GRID2: variants seen among roughly 807,000 people sequenced by gnomAD.
GRID2 encodes the protein glutamate ionotropic receptor delta type subunit 2.
In GRID2, 33 loss-of-function variants were observed where a neutral mutation model predicts 114.8. The ratio of observed to expected loss-of-function variants is 0.29; its 90% CI spans 0.22 to 0.38. GRID2 has a LOEUF of 0.38. Ranked by LOEUF, GRID2 falls within the 10% of genes least tolerant of loss-of-function variation. GRID2 has a pLI of 1.00. For missense variants in GRID2, 1,184 were observed against 1,257.7 expected (o/e 0.94, Z 0.89); for synonymous variants, 505 against 449.9 (o/e 1.12, Z -1.55).
chr4:92,646,856 C>A (rs1487373097), intron 2 of GRID2, among the ~76,000 whole-genome samples: 3 of 151,442 alleles, frequency 2.0e-5, no homozygotes, highest in Middle Eastern at 3.5e-3. Context: ...TGTTAATAAT[C>A]AACAAACTTA....
At chr4:92,396,408 A>G (rs774772209) in intron 1 of GRID2, among the ~76,000 whole-genome samples, 13 of 151,934 alleles carry the variant, frequency 8.6e-5, no homozygotes, top group Admixed American at 3.9e-4. Context: ...TTTTGTAAGT[A>G]CCTCTGATAT....
intron 4 of GRID2, among the ~76,000 whole-genome samples, chr4:93,205,585 CT>C (rs1165034174): frequency 6.6e-6 from 1 of 152,072 alleles, no homozygotes; most frequent in Non-Finnish European, 1.5e-5. Flanking sequence ...GGTTCCAAGT[CT>C]TTGCTATTGT....
At chr4:92,893,528 G>A (rs950422145) in intron 2 of GRID2, among the ~76,000 whole-genome samples, 1 of 152,118 alleles carries the variant, frequency 6.6e-6, no homozygotes, top group African/African-American at 2.4e-5. Flanking sequence ...CAAGATGAAA[G>A]GGTTAGAATA....
Position 92,358,599 on chromosome 4 carries a change from T to A in GRID2, c.88+53855T>A, listed in dbSNP as rs1201622659. On this transcript the variant is annotated intron_variant, in intron 1 of 15. Transcript: ENST00000282020. Reference sequence around the variant, plus strand: ...TACTTCATTAATACTATAACCTAAATAAAATTATAATATGGTTATTGTGAA... The same window carrying A: ...TACTTCATTAATACTATAACCTAAAAAAAATTATAATATGGTTATTGTGAA... 2.0e-5 allele frequency among the ~76,000 whole-genome samples: 3 copies of A among 152,040 alleles called. No homozygotes were observed. The East Asian group carries it at 5.8e-4, about 30-fold the overall frequency.
chr4:93,185,193 G>A (rs1263357775), intron 4 of GRID2, among the ~76,000 whole-genome samples: 3 of 152,092 alleles, frequency 2.0e-5, no homozygotes. Flanking sequence ...CCAGGTACAG[G>A]TAGGAGAATT....
chr4:92,912,328 A>T (rs1748449831), intron 2 of GRID2, among the ~76,000 whole-genome samples: 1 of 151,834 alleles, frequency 6.6e-6, no homozygotes, highest in Non-Finnish European at 1.5e-5. Context: ...CTGAAAGTGA[A>T]AAATAGATCT....
intron 2 of GRID2, among the ~76,000 whole-genome samples, chr4:93,012,463 G>C (rs1371679270): frequency 6.6e-6 from 1 of 151,990 alleles, no homozygotes; most frequent in Non-Finnish European, 1.5e-5. Flanking sequence ...AACAGAATTA[G>C]TCTACTGAGG....
chr4:93,331,075 TGGC>T (rs1758373475), intron 8 of GRID2, among the ~76,000 whole-genome samples: 1 of 151,876 alleles, frequency 6.6e-6, no homozygotes, highest in African/African-American at 2.4e-5. Flanking sequence ...CTCATTTCAT[TGGC>T]AACAAAAACA....
intron 1 of GRID2, among the ~76,000 whole-genome samples, chr4:92,550,906 C>G (rs576800619): frequency 1.1e-4 from 16 of 152,236 alleles, no homozygotes; most frequent in African/African-American, 3.1e-4. Context: ...ATTGCAAAGA[C>G]TAGTCTCAAA....
intron 4 of GRID2, among the ~76,000 whole-genome samples, chr4:93,173,216 C>A (rs1579190937): frequency 6.6e-6 from 1 of 151,712 alleles, no homozygotes; most frequent in African/African-American, 2.4e-5. Flanking sequence ...TTTTTTTGAC[C>A]AAATTCCAGT....
At chr4:92,863,604 A>C (rs1376414626) in intron 2 of GRID2, among the ~76,000 whole-genome samples, 1 of 152,264 alleles carries the variant, frequency 6.6e-6, no homozygotes. Flanking sequence ...ATATTTGTGA[A>C]GCTTTCTCTA....
At chr4:93,034,381 C>G (rs1724721497) in intron 2 of GRID2, among the ~76,000 whole-genome samples, 1 of 152,096 alleles carries the variant, frequency 6.6e-6, no homozygotes, top group African/African-American at 2.4e-5. Flanking sequence ...TAAAACTAGG[C>G]TTTGGAACTG....
At position 93,774,265 on chromosome 4, in the gene GRID2, C is replaced by T. The variant is rs1020137528; in HGVS notation, c.*1767C>T. 12 of 151,982 alleles carry T rather than the reference C, an allele frequency of 7.9e-5. No homozygotes were observed. The highest frequency in any genetic ancestry group is 7.2e-4 in the Admixed American group (11 of 15,250). 9.4% of individuals were successfully genotyped at this position (151,982 alleles called of 1,614,324 possible). ...ATTTTGTTTCCAGGGTAACAAGTAACTAAGTGCATGCACAACTTGTTTTCC... is the reference window on the plus strand; with the variant it reads ...ATTTTGTTTCCAGGGTAACAAGTAATTAAGTGCATGCACAACTTGTTTTCC... On this transcript the variant is annotated 3_prime_UTR_variant, in exon 16 of 16. Transcript: ENST00000282020.
At chr4:92,376,745 T>A (rs1470017515) in intron 1 of GRID2, among the ~76,000 whole-genome samples, 1 of 152,128 alleles carries the variant, frequency 6.6e-6, no homozygotes, top group African/African-American at 2.4e-5. Flanking sequence ...AAATCTTGAC[T>A]TTTGTGCGCT....
intron 9 of GRID2, among the ~76,000 whole-genome samples, chr4:93,397,210 G>A (rs1005041398): frequency 6.6e-6 from 1 of 151,694 alleles, no homozygotes; most frequent in Non-Finnish European, 1.5e-5. Flanking sequence ...TTTTTTTGTG[G>A]CCCATAAATT....
At chr4:92,715,635 G>A (rs1735506187) in intron 2 of GRID2, among the ~76,000 whole-genome samples, 1 of 152,172 alleles carries the variant, frequency 6.6e-6, no homozygotes, top group African/African-American at 2.4e-5. Flanking sequence ...ATCTCACGTG[G>A]TGGCAGACGA....
chr4:93,391,485 G>A (rs760600771), intron 8 of GRID2, among the ~76,000 whole-genome samples: 4 of 152,078 alleles, frequency 2.6e-5, no homozygotes, highest in South Asian at 2.1e-4. Flanking sequence ...TTTTGTGTCC[G>A]GCAGCTGGAG....
intron 1 of GRID2, among the ~76,000 whole-genome samples, chr4:92,479,528 A>C (rs768258075): frequency 2.0e-5 from 3 of 152,270 alleles, no homozygotes; most frequent in Admixed American, 6.5e-5. Context: ...GCACTTACAT[A>C]TTATTAGATT....
intron 4 of GRID2, among the ~76,000 whole-genome samples, chr4:93,158,546 A>G (rs996558473): frequency 4.4e-5 from 6 of 136,426 alleles, no homozygotes; most frequent in African/African-American, 2.1e-4. Flanking sequence ...CAGAAAAGTC[A>G]TTTCCATATC....
Sources: gnomAD v4.1 joint callset for allele counts (sites outside exome capture counted in the v4.1 genomes callset) on GRCh38, gnomAD v4.1.1 for gene constraint, MANE v1.5 for transcripts, NCBI Gene and HGNC (gene_info 2026-07-23, HGNC 2026-07-21) for gene names.